Variants in FAM199X observed in about 807,000 individuals in gnomAD.
The protein encoded by FAM199X is family with sequence similarity 199, X-linked.
Under a neutral mutation model 22.9 loss-of-function variants are expected in FAM199X, and 4 were observed. That is an observed-to-expected ratio of 0.17 (90% CI 0.09 to 0.40). The LOEUF (loss-of-function observed/expected upper bound fraction) is 0.40. Ranked by LOEUF, FAM199X falls within the 10% of genes least tolerant of loss-of-function variation. The probability of loss-of-function intolerance (pLI) is 1.00; values close to 1 mark genes in which losing one functional copy is unlikely to be tolerated. For missense variants in FAM199X, 183 were observed against 306.8 expected (o/e 0.60, Z 3.01); for synonymous variants, 101 against 112.3 (o/e 0.90, Z 0.64).
chrX:104,158,191 A>AT, the FAM199X span, among the ~76,000 whole-genome samples: 4 of 111,380 alleles, frequency 3.6e-5, no homozygotes, highest in Non-Finnish European at 7.5e-5. Context: ...TCTCTCCCCC[A>AT]ACTCCCCACC....
At chrX:104,183,446 T>G (rs1362470215) in intron 2 of FAM199X, among the ~76,000 whole-genome samples, 4 of 110,743 alleles carry the variant, frequency 3.6e-5, no homozygotes, top group Non-Finnish European at 5.7e-5. Context: ...CAGTGTTAGT[T>G]AATGAGATTT....
At chrX:104,166,373 C>T (rs956673375), upstream of FAM199X, among the ~76,000 whole-genome samples, 19 of 111,278 alleles carry the variant, frequency 1.7e-4, no homozygotes, top group Non-Finnish European at 3.4e-4. Flanking sequence ...GGTTCAGTTC[C>T]TCCTCCGGTC....
chrX:104,174,598 T>G (rs1416231424), intron 1 of FAM199X, among the ~76,000 whole-genome samples: 1 of 111,655 alleles, frequency 9.0e-6, no homozygotes, highest in African/African-American at 3.3e-5. Flanking sequence ...TAGAAACAGC[T>G]TATGTATCAT....
chrX:104,186,054 A>G lies in FAM199X; in HGVS notation c.418-12A>G, dbSNP rs1921797794. 8.3e-7 allele frequency: 1 copy of G among 1,199,700 alleles called. No individual in the cohort carries two copies. The highest frequency in any genetic ancestry group is 1.1e-6 in the Non-Finnish European group (1 of 891,092). On this transcript the variant is annotated splice_polypyrimidine_tract_variant and intron_variant, in intron 2 of 5. Coordinates refer to ENST00000493442, the MANE Select transcript of FAM199X (RefSeq NM_207318.4). ...TGCTTTCCTTCCCCACACCCTCCTT[A>G]TTTTTATAAAGTTACCAGGCAGTGA...
At chrX:104,167,711 T>A (rs1201731271) in intron 1 of FAM199X, among the ~76,000 whole-genome samples, 1 of 111,390 alleles carries the variant, frequency 9.0e-6, no homozygotes. Context: ...TGGACTGACT[T>A]ACACAAATTT....
At chrX:104,173,674 A>G (rs1556375841) in intron 1 of FAM199X, among the ~76,000 whole-genome samples, 2 of 112,164 alleles carry the variant, frequency 1.8e-5, no homozygotes, top group Non-Finnish European at 3.8e-5. Context: ...GAAATACTAA[A>G]TAATTATCTT....
In FAM199X at chrX:104,190,591, A is replaced by C. The variant is rs1265601500; in HGVS notation, c.*813A>C. On this transcript the variant is annotated 3_prime_UTR_variant, in exon 6 of 6. Coordinates refer to ENST00000493442, the MANE Select transcript of FAM199X (RefSeq NM_207318.4). ...TTAAATGGTGAAAGTAATTAGGCAA[A>C]ATAAGCAATTCTGCTTTTCTGTTGC... The C allele has an allele frequency of 8.9e-6, 1 of 112,259 alleles. No homozygotes were observed. The highest frequency in any genetic ancestry group is 1.9e-5 in the Non-Finnish European group (1 of 53,274). 9.3% of individuals were successfully genotyped at this position (112,259 alleles called of 1,213,427 possible). A position where few individuals can be genotyped will look rare whatever the true frequency, so the allele number is the denominator to read the frequency against.
intron 3 of FAM199X, 120 bp from the exon 4 acceptor site, chrX:104,186,340 C>T (rs951386398): frequency 5.4e-5 from 58 of 1,075,664 alleles, no homozygotes; most frequent in African/African-American, 1.5e-4. Flanking sequence ...TGAGCTTTAA[C>T]GGTTTTTCAG....
At chrX:104,173,403 A>G (rs1921408137) in intron 1 of FAM199X, among the ~76,000 whole-genome samples, 1 of 111,668 alleles carries the variant, frequency 9.0e-6, no homozygotes, top group African/African-American at 3.3e-5. Context: ...CTGAATTATA[A>G]TAGTGTGTGT....
At chrX:104,163,688 C>CTTTT (rs1180760241), upstream of FAM199X, among the ~76,000 whole-genome samples, 1 of 94,254 alleles carries the variant, frequency 1.1e-5, no homozygotes, top group African/African-American at 3.9e-5. Context: ...GGAGGGACCT[C>CTTTT]TTTTTTTTTT....
Position 104,191,629 on chromosome X carries a change from C to G in FAM199X, c.*1851C>G, listed in dbSNP as rs1222492763. The G allele has an allele frequency of 4.5e-5, 5 of 109,992 alleles. No homozygotes were observed. The highest frequency in any genetic ancestry group is 9.4e-5 in the Non-Finnish European group (5 of 53,025). The allele number at this position is 109,992 out of a possible 1,213,427, so 9.1% of individuals were successfully genotyped here. ...AGAGCATAGTAACTGTATCTAAATT[C>G]TCTACCTGCTCTTAGCAAAAGCAAA... On this transcript the variant is annotated 3_prime_UTR_variant, in exon 6 of 6. Transcript: ENST00000493442.
intron 1 of FAM199X, among the ~76,000 whole-genome samples, chrX:104,167,705 C>G (rs1280072208): frequency 9.0e-6 from 1 of 111,286 alleles, no homozygotes; most frequent in Non-Finnish European, 1.9e-5. Context: ...TTAGGATGGA[C>G]TGACTTACAC....
In FAM199X at chrX:104,166,704, G is replaced by A; in HGVS notation, c.-82G>A. 1 of 910,470 alleles carries A rather than the reference G, an allele frequency of 1.1e-6. No individual in the cohort carries two copies. 75.0% of individuals were successfully genotyped at this position (910,470 alleles called of 1,213,427 possible). On this transcript the variant is annotated 5_prime_UTR_variant, in exon 1 of 6. Coordinates refer to ENST00000493442, the MANE Select transcript of FAM199X (RefSeq NM_207318.4). ...CACACCCCGGAGCGTCGGCGACTGC[G>A]GACAGGTTAGAGTGGGGGCAGGGGC...
At chrX:104,186,402 CATAAT>C in intron 3 of FAM199X, 53 bp from the exon 4 acceptor site, 2 of 1,141,917 alleles carry the variant, frequency 1.8e-6, no homozygotes, top group South Asian at 3.9e-5. Flanking sequence ...TTATAATTGA[CATAAT>C]AAAGGATCAG....
the FAM199X span, among the ~76,000 whole-genome samples, chrX:104,160,911 C>G: frequency 9.0e-6 from 1 of 111,479 alleles, no homozygotes; most frequent in South Asian, 3.7e-4. Flanking sequence ...TCTAATCTCA[C>G]TTGACTAAAT....
rs2147899905 is a variant in FAM199X at position 104,193,175 on chromosome X, A to G, written c.*3397A>G. On this transcript the variant is annotated 3_prime_UTR_variant, in exon 6 of 6. Coordinates refer to ENST00000493442, the MANE Select transcript of FAM199X (RefSeq NM_207318.4). Reference sequence around the variant, plus strand: ...ATTTGTTTTGCATAATGCCCATGGAATTGGATATCAGTAAGCAAAGCCATT... The same window carrying G: ...ATTTGTTTTGCATAATGCCCATGGAGTTGGATATCAGTAAGCAAAGCCATT... 1 of 111,684 alleles carries G rather than the reference A, an allele frequency of 9.0e-6. No homozygotes were observed. Among genetic ancestry groups the G allele is most frequent in the African/African-American group, 3.2e-5 (1 of 30,939 alleles). 9.2% of individuals were successfully genotyped at this position (111,684 alleles called of 1,213,427 possible).
chrX:104,180,308 T>C (rs1344926000), intron 2 of FAM199X, among the ~76,000 whole-genome samples: 1 of 106,808 alleles, frequency 9.4e-6, no homozygotes, highest in African/African-American at 3.4e-5. Context: ...TTTTTTTTTT[T>C]TCTCAGTACA....
chrX:104,159,293 C>T, the FAM199X span, among the ~76,000 whole-genome samples: 2 of 112,055 alleles, frequency 1.8e-5, no homozygotes, highest in Non-Finnish European at 3.8e-5. Flanking sequence ...TAGCTCCTTT[C>T]ACCCTACACA....
upstream of FAM199X, among the ~76,000 whole-genome samples, chrX:104,161,521 C>T (rs1002275477): frequency 4.5e-5 from 5 of 111,579 alleles, no homozygotes; most frequent in Admixed American, 2.9e-4. Flanking sequence ...TAGAATTTTA[C>T]GGGGGAACAA....
Sources: allele counts gnomAD v4.1 joint callset (sites outside exome capture counted in the v4.1 genomes callset), GRCh38; gene constraint gnomAD v4.1.1; transcripts MANE v1.5; gene names NCBI Gene and HGNC (gene_info 2026-07-23, HGNC 2026-07-21).